Variants in ZNF420 observed in about 807,000 individuals in gnomAD.
ZNF420 encodes the protein zinc finger protein 420.
Under a neutral mutation model 44.7 loss-of-function variants are expected in ZNF420, and 31 were observed. The ratio of observed to expected loss-of-function variants is 0.69; its 90% CI spans 0.52 to 0.94. The LOEUF (loss-of-function observed/expected upper bound fraction) is 0.94. Ranked by LOEUF, ZNF420 falls within the 40% of genes least tolerant of loss-of-function variation. The pLI, the probability that ZNF420 is intolerant of heterozygous loss-of-function variation, is 0.00. For synonymous variants in ZNF420, 245 were observed against 267.4 expected, an observed-to-expected ratio of 0.92 and a Z score of 0.82; for missense variants, 681 against 827.9, an observed-to-expected ratio of 0.82 and a Z score of 2.18.
intron 1 of ZNF420, among the ~76,000 whole-genome samples, chr19:37,041,089 C>T (rs894075006): frequency 1.5e-4 from 22 of 151,714 alleles, no homozygotes; most frequent in Admixed American, 1.1e-3. Context: ...TTTGGGAGGC[C>T]GAGGTGGGAG....
At chr19:37,074,202 A>G (rs1250962640), upstream of ZNF420, among the ~76,000 whole-genome samples, 1 of 152,098 alleles carries the variant, frequency 6.6e-6, no homozygotes, top group Non-Finnish European at 1.5e-5. Context: ...AAAAAAAGGT[A>G]TTTTTTTACC....
At chr19:37,062,921 A>C (rs928150001) in intron 1 of ZNF420, among the ~76,000 whole-genome samples, 10 of 152,216 alleles carry the variant, frequency 6.6e-5, no homozygotes, top group African/African-American at 1.2e-4. Flanking sequence ...ATAATCTTAA[A>C]GTCTATCAAA....
intron 4 of ZNF420, among the ~76,000 whole-genome samples, chr19:37,126,122 T>C (rs955137397): frequency 2.0e-5 from 3 of 152,218 alleles, no homozygotes; most frequent in Non-Finnish European, 4.4e-5. Flanking sequence ...AACGCTCCAG[T>C]GGCTTCACTC....
intron 1 of ZNF420, among the ~76,000 whole-genome samples, chr19:37,016,240 ATTG>A (rs1306339439): frequency 1.3e-5 from 2 of 151,910 alleles, no homozygotes; most frequent in Non-Finnish European, 2.9e-5. Flanking sequence ...ATCCTTTCTT[ATTG>A]TTGAGTGATC....
intron 1 of ZNF420, among the ~76,000 whole-genome samples, chr19:37,010,895 G>A (rs888902235): frequency 2.0e-5 from 3 of 152,120 alleles, no homozygotes; most frequent in Admixed American, 2.0e-4. Context: ...GCAGACAAAC[G>A]TCAAAGAAGA....
At chr19:37,104,186 G>A (rs1969946283) in intron 4 of ZNF420, among the ~76,000 whole-genome samples, 1 of 137,652 alleles carries the variant, frequency 7.3e-6, no homozygotes, top group Non-Finnish European at 1.5e-5. Context: ...CCCTTCCTGT[G>A]TCCAAGTGTT....
chr19:37,044,781 A>G (rs568331200), intron 1 of ZNF420, among the ~76,000 whole-genome samples: 26 of 152,256 alleles, frequency 1.7e-4, no homozygotes, highest in African/African-American at 5.8e-4. Flanking sequence ...ATGAGCCGAG[A>G]TCGCACCATT....
intron 1 of ZNF420, among the ~76,000 whole-genome samples, chr19:37,069,467 T>C (rs1433568152): frequency 2.0e-5 from 3 of 152,236 alleles, no homozygotes; most frequent in South Asian, 2.1e-4. Flanking sequence ...CCATCACAAG[T>C]TGAAAATATC....
At chr19:37,126,925 G>A (rs1971374248) in intron 4 of ZNF420, among the ~76,000 whole-genome samples, 1 of 152,104 alleles carries the variant, frequency 6.6e-6, no homozygotes, top group Non-Finnish European at 1.5e-5. Flanking sequence ...GAATAGAATA[G>A]AAAGCAGGGA....
chr19:37,106,004 C>G (rs1970060853), intron 4 of ZNF420, among the ~76,000 whole-genome samples: 1 of 152,132 alleles, frequency 6.6e-6, no homozygotes, highest in Admixed American at 6.5e-5. Context: ...TCCTCTTTTC[C>G]TAATTGAATA....
intron 4 of ZNF420, chr19:37,091,674 C>G (rs1969154480): frequency 6.6e-6 from 1 of 151,800 alleles, no homozygotes; most frequent in Non-Finnish European, 1.5e-5. Context: ...GCCTATAATC[C>G]CGGCACGTTG....
rs368016629 is a variant in ZNF420 at position 37,050,924 on chromosome 19, G to A, written c.-124-29421G>A. The stretch of plus-strand genomic sequence containing the variant: ...ATACCTAATTTATTGAGAGTTTTTA[G>A]CATGAAGGGCTGTTGAATTTTGTCA... On this transcript the variant is annotated intron_variant, in intron 1 of 4. Transcript: ENST00000587029. Among the ~76,000 whole-genome samples, 12 of 152,282 alleles carry A rather than the reference G, an allele frequency of 7.9e-5. No homozygotes were observed. In the East Asian group the frequency reaches 1.3e-3, roughly 17 times the overall value.
chr19:37,093,797 C>A (rs140032226), intron 4 of ZNF420, among the ~76,000 whole-genome samples: 1 of 152,158 alleles, frequency 6.6e-6, no homozygotes, highest in East Asian at 1.9e-4. Context: ...TACTGGTTAC[C>A]CAGCACTGGG....
At chr19:37,119,667 A>C (rs951521451) in intron 4 of ZNF420, among the ~76,000 whole-genome samples, 5 of 152,224 alleles carry the variant, frequency 3.3e-5, no homozygotes, top group Admixed American at 2.6e-4. Flanking sequence ...AACCTTCAAA[A>C]AATTAATGAA....
At chr19:37,124,980 G>A (rs1247748811) in intron 4 of ZNF420, among the ~76,000 whole-genome samples, 1 of 152,162 alleles carries the variant, frequency 6.6e-6, no homozygotes, top group African/African-American at 2.4e-5. Flanking sequence ...GGGATTACAG[G>A]CACCCGCCAC....
At chr19:37,022,579 A>C (rs1006120058) in intron 1 of ZNF420, among the ~76,000 whole-genome samples, 1 of 152,216 alleles carries the variant, frequency 6.6e-6, no homozygotes, top group African/African-American at 2.4e-5. Context: ...TCTCATCAAA[A>C]TCCACTAACA....
chr19:37,105,529 G>A (rs1176133766), intron 4 of ZNF420, among the ~76,000 whole-genome samples: 2 of 152,228 alleles, frequency 1.3e-5, no homozygotes, highest in East Asian at 3.9e-4. Context: ...CCAATTCTGT[G>A]AAGAAAGTCA....
At chr19:37,058,111 C>T (rs1466345282) in intron 1 of ZNF420, among the ~76,000 whole-genome samples, 1 of 152,150 alleles carries the variant, frequency 6.6e-6, no homozygotes, top group African/African-American at 2.4e-5. Flanking sequence ...GCTTCTTGGT[C>T]TGGCTCAATG....
At chr19:37,071,210 A>G (rs1241438164) in intron 1 of ZNF420, among the ~76,000 whole-genome samples, 4 of 152,218 alleles carry the variant, frequency 2.6e-5, no homozygotes, top group Non-Finnish European at 4.4e-5. Flanking sequence ...TGGATTTTAA[A>G]AACTGTAATA....
Sources: gnomAD v4.1 joint callset for allele counts (sites outside exome capture counted in the v4.1 genomes callset) on GRCh38, gnomAD v4.1.1 for gene constraint, MANE v1.5 for transcripts, NCBI Gene and HGNC (gene_info 2026-07-23, HGNC 2026-07-21) for gene names.